Variants in SDF4 observed in about 807,000 individuals in gnomAD.
SDF4 encodes stromal cell derived factor 4.
A neutral mutation model predicts 34.2 loss-of-function variants in SDF4; 22 were observed. The ratio of observed to expected loss-of-function variants is 0.64; its 90% CI spans 0.46 to 0.92. SDF4 has a LOEUF of 0.92. Among genes scored for constraint, SDF4 ranks in the 40% least tolerant of loss-of-function variants. SDF4 has a pLI of 0.00. For synonymous variants in SDF4, 236 were observed against 203.1 expected, an observed-to-expected ratio of 1.16 and a Z score of -1.38; for missense variants, 447 against 499.9, an observed-to-expected ratio of 0.89 and a Z score of 1.01.
Position 1,220,231 on chromosome 1 carries a change from C to A in SDF4, c.557-1304G>T, listed in dbSNP as rs915966502. 38 of 1,016,442 alleles carry A rather than the reference C, an allele frequency of 3.7e-5. No homozygotes were observed. In the African/African-American group the frequency reaches 5.3e-4, roughly 14 times the overall value. The allele number at this position is 1,016,442 out of a possible 1,614,324, so 63.0% of individuals were successfully genotyped here. The stretch of plus-strand genomic sequence containing the variant: ...GCTGTTAGGGAAGGATCTGGAGAGA[C>A]CCTCCTGGATCAGGGAGAGTCAACG... On this transcript the variant is annotated intron_variant, in intron 4 of 6. Transcript: ENST00000360001.
chr1:1,219,052 C>A, intron 4 of SDF4, 125 bp from the exon 5 acceptor site: 1 of 1,588,972 alleles, frequency 6.3e-7, no homozygotes, highest in South Asian at 1.1e-5. Context: ...GCCCCACCCT[C>A]CAGGATTCAC....
intron 2 of SDF4, among the ~76,000 whole-genome samples, chr1:1,225,099 C>T (rs763850399): frequency 1.3e-5 from 2 of 152,192 alleles, no homozygotes; most frequent in Non-Finnish European, 2.9e-5. Flanking sequence ...GGACAGGTCA[C>T]TCCCGTCCCA....
intron 4 of SDF4, chr1:1,220,580 T>C: frequency 7.8e-7 from 1 of 1,283,932 alleles, no homozygotes; most frequent in Admixed American, 2.3e-5. Flanking sequence ...CCAAGACGGA[T>C]CGGACACGGG....
intron 2 of SDF4, among the ~76,000 whole-genome samples, chr1:1,226,426 C>A (rs138522424): frequency 1.2e-3 from 188 of 152,282 alleles, no homozygotes; most frequent in Middle Eastern, 3.4e-3. Context: ...AAACACATCC[C>A]ACAAGCCCAA....
At chr1:1,223,210 G>C (rs934061206) in intron 4 of SDF4, 34 bp downstream of exon 4, 1 of 1,459,940 alleles carries the variant, frequency 6.8e-7, no homozygotes, top group South Asian at 1.1e-5. Flanking sequence ...CAGGATGCCT[G>C]AGACCGGTGG....
At chr1:1,224,184 C>T (rs1638218025) in intron 2 of SDF4, among the ~76,000 whole-genome samples, 1 of 152,216 alleles carries the variant, frequency 6.6e-6, no homozygotes, top group Non-Finnish European at 1.5e-5. Context: ...CCACGGTCCC[C>T]TCCCCGGGGA....
At chr1:1,229,247 G>GCGGTGACCACAGCTCA (rs1638417853) in intron 1 of SDF4, among the ~76,000 whole-genome samples, 1 of 152,218 alleles carries the variant, frequency 6.6e-6, no homozygotes, top group Non-Finnish European at 1.5e-5. Flanking sequence ...CTGGAGTACA[G>GCGGTGACCACAGCTCA]CGGTGACCAC....
intron 1 of SDF4, among the ~76,000 whole-genome samples, chr1:1,231,671 C>G (rs962985139): frequency 6.6e-6 from 1 of 152,236 alleles, no homozygotes. Context: ...ACCAGACGTG[C>G]CGGCGGCCGG....
rs150377323 is a variant in SDF4, at chr1:1,217,697, G to A, written c.892-9C>T. ...ATGGGGTCCATGTAGCTCTGCGGGC[G>A]AGCGGGGCACAGGTCAGCGTCGCCT... On this transcript the variant is annotated splice_polypyrimidine_tract_variant and intron_variant, in intron 6 of 6. Coordinates refer to ENST00000360001, the MANE Select transcript of SDF4 (RefSeq NM_016176.6). This position sits in a 1 kb window ranked among gnomAD's most constrained non-coding sequence, Gnocchi z 8.5. 26 of 1,613,514 alleles carry A rather than the reference G, an allele frequency of 1.6e-5. No individual in the cohort carries two copies. The highest frequency in any genetic ancestry group is 1.3e-4 in the African/African-American group (10 of 75,022).
chr1:1,226,075 G>A (rs529435680), intron 2 of SDF4, among the ~76,000 whole-genome samples: 5 of 152,362 alleles, frequency 3.3e-5, no homozygotes, highest in South Asian at 4.1e-4. Context: ...TCTGGCTCCT[G>A]AGAGAACAAG....
At position 1,228,711 on chromosome 1, in the gene SDF4, GC is replaced by G; in HGVS notation, c.61del (p.Ala21GlnfsTer4). The stretch of plus-strand genomic sequence containing the variant: ...TGCAGACGCGTCCATCAGAAGGACT[GC>G]CCCCAGGAGCCAGAGGCAGCACGGA... ...LAPCCLWLLG[A>X]VLLMDASARP... is the part of the protein sequence containing the mutation. On this transcript the variant is annotated frameshift_variant, in exon 2 of 7. Transcript: ENST00000360001. LOFTEE classifies it high-confidence loss of function. 1 of 1,612,872 alleles carries G rather than the reference GC, an allele frequency of 6.2e-7. No individual in the cohort carries two copies. The highest frequency in any genetic ancestry group is 8.5e-7 in the Non-Finnish European group (1 of 1,180,006).
At position 1,228,653 on chromosome 1, in the gene SDF4, T is replaced by G; in HGVS notation, c.120A>C (p.Arg40Ser). Residue 40 changes from arginine (R) to serine (S), a missense_variant, in exon 2 of 7, where the codon AGA becomes AGC. Coordinates refer to ENST00000360001, the MANE Select transcript of SDF4 (RefSeq NM_016176.6). ...TCTCATTCTCCTCCCTGTTGGCTAC[T>G]CTCTCTCGAGTGGACGAGTGGTTGG... ...RPANHSSTRE[R>S]VANREENEIL... The G allele has an allele frequency of 6.2e-7, 1 of 1,613,096 alleles. No individual in the cohort carries two copies. Among genetic ancestry groups the G allele is most frequent in the Non-Finnish European group, 8.5e-7 (1 of 1,179,998 alleles).
Position 1,221,993 on chromosome 1 carries a change from G to A in SDF4, c.556+1251C>T, listed in dbSNP as rs78328314. 6.5e-4 allele frequency among the ~76,000 whole-genome samples: 99 copies of A among 152,308 alleles called. 3 individuals carry two copies. The East Asian group carries it at 0.018, about 28-fold the overall frequency. On this transcript the variant is annotated intron_variant, in intron 4 of 6. Coordinates refer to ENST00000360001, the MANE Select transcript of SDF4 (RefSeq NM_016176.6). Reference sequence around the variant, plus strand: ...TGGTTTGCCTTGAGACTCTGGTGAGGAAATGTGTGTTACTGATAAGTTAAG... The same window carrying A: ...TGGTTTGCCTTGAGACTCTGGTGAGAAAATGTGTGTTACTGATAAGTTAAG...
chr1:1,227,969 G>A lies in SDF4; in HGVS notation c.305+499C>T, dbSNP rs78333838. Among the ~76,000 whole-genome samples the A allele has an allele frequency of 6.7e-3, 1,018 of 152,326 alleles. 4 individuals are homozygous for A. Among genetic ancestry groups the A allele is most frequent in the African/African-American group, 0.024 (980 of 41,568 alleles). ...CCAACCCCACACACCCCCAGCCTGCGTGTGATACGCGGCCCGTGTGTGACA... is the reference window on the plus strand; with the variant it reads ...CCAACCCCACACACCCCCAGCCTGCATGTGATACGCGGCCCGTGTGTGACA... On this transcript the variant is annotated intron_variant, in intron 2 of 6. Transcript: ENST00000360001.
chr1:1,219,626 T>C, intron 4 of SDF4: 1 of 986,300 alleles, frequency 1.0e-6, no homozygotes, highest in Non-Finnish European at 1.2e-6. Flanking sequence ...CCTCTGGGTG[T>C]GTGGCCCCCG....
At position 1,217,557 on chromosome 1, in the gene SDF4, G is replaced by C. The variant is rs771818346; in HGVS notation, c.1023C>G (p.Gly341=). 2 of 1,613,166 alleles carry C rather than the reference G, an allele frequency of 1.2e-6. No homozygotes were observed. Among genetic ancestry groups the C allele is most frequent in the Middle Eastern group, 1.7e-4 (1 of 6,050 alleles). The change falls in exon 7 of 7, where the codon GGC becomes GGG. Residue 341 remains glycine (G), a synonymous_variant. Coordinates refer to ENST00000360001, the MANE Select transcript of SDF4 (RefSeq NM_016176.6). This position sits in a 1 kb window ranked among gnomAD's most constrained non-coding sequence, Gnocchi z 8.5. ...EVLKYSEFFT[G]SKLVDYARSV... ...TGCGCGCGTAGTCCACCAGCTTGCTGCCCGTGAAGAACTCGCTGTACTTGA... is the reference window on the plus strand; with the variant it reads ...TGCGCGCGTAGTCCACCAGCTTGCTCCCCGTGAAGAACTCGCTGTACTTGA...
chr1:1,220,030 G>A (rs773327197), intron 4 of SDF4: 13 of 985,650 alleles, frequency 1.3e-5, no homozygotes, highest in Non-Finnish European at 1.6e-5. Context: ...CTCCTGGGAT[G>A]GATGGACGGG....
intron 2 of SDF4, among the ~76,000 whole-genome samples, 183 bp from the exon 3 acceptor site, chr1:1,224,151 A>G (rs1188587054): frequency 1.3e-5 from 2 of 152,212 alleles, no homozygotes; most frequent in African/African-American, 2.4e-5. Flanking sequence ...GGGCCACGCC[A>G]GAGACACTGG....
At position 1,224,425 on chromosome 1, in the gene SDF4, G is replaced by A. The variant is rs533916246; in HGVS notation, c.306-457C>T. On this transcript the variant is annotated intron_variant, in intron 2 of 6. Transcript: ENST00000360001. ...CTCCCGAGTAGCTGGGATTACAGGGGTGCACCACCACGCCTGGCTAATTTT... is the reference window on the plus strand; with the variant it reads ...CTCCCGAGTAGCTGGGATTACAGGGATGCACCACCACGCCTGGCTAATTTT... 4.6e-5 allele frequency among the ~76,000 whole-genome samples: 7 copies of A among 152,246 alleles called. No homozygotes were observed. In the South Asian group the frequency reaches 1.5e-3, roughly 32 times the overall value.
Sources: allele counts gnomAD v4.1 joint callset (sites outside exome capture counted in the v4.1 genomes callset), GRCh38; gene constraint gnomAD v4.1.1; non-coding constraint Gnocchi (gnomAD v3.1); transcripts MANE v1.5; gene names NCBI Gene and HGNC (gene_info 2026-07-23, HGNC 2026-07-21).